SLC5A4: variants seen among roughly 807,000 people sequenced by gnomAD.
The protein encoded by SLC5A4 is solute carrier family 5 member 4, also known as probable glucose sensor protein SLC5A4.
A neutral mutation model predicts 70.3 loss-of-function variants in SLC5A4; 55 were observed. That is an observed-to-expected ratio of 0.78 (90% CI 0.63 to 0.98). The LOEUF is 0.98. Ranked by LOEUF, SLC5A4 falls within the 50% of genes least tolerant of loss-of-function variation. SLC5A4 has a pLI of 0.00. For synonymous variants in SLC5A4, 268 were observed against 305.7 expected (o/e 0.88, Z 1.29); for missense variants, 735 against 839.2 (o/e 0.88, Z 1.53).
In SLC5A4 at chr22:32,224,335, G is replaced by A. The variant is rs145450509; in HGVS notation, c.1597C>T (p.Leu533Phe). 6.7e-5 allele frequency: 108 copies of A among 1,614,134 alleles called. No individual in the cohort carries two copies. The highest frequency in any genetic ancestry group is 8.3e-5 in the Admixed American group (5 of 60,022). ...GTGACCAGCATGGACCCAAAAAAGA[G>A]AACGATGGAAAAGTACAGATAGTGC... ...GVHYLYFSIV[L>F]FFGSMLVTLG... is the part of the protein sequence containing the mutation. Residue 533 changes from leucine to phenylalanine, a missense_variant, in exon 13 of 15, where the codon CTC (leucine) becomes TTC (phenylalanine). By Grantham distance (22) the Leu-to-Phe change is conservative. Transcript: ENST00000266086.
intron 14 of SLC5A4, among the ~76,000 whole-genome samples, chr22:32,218,957 C>T (rs369287841): frequency 5.3e-5 from 8 of 152,096 alleles, no homozygotes; most frequent in Admixed American, 3.9e-4. Context: ...GGGAAACGTT[C>T]GCATATTCTA....
chr22:32,251,677 C>A, intron 3 of SLC5A4, 93 bp downstream of exon 3: 1 of 840,982 alleles, frequency 1.2e-6, no homozygotes. Context: ...TATAAATTAT[C>A]CAGCCTGTGA....
intron 13 of SLC5A4, among the ~76,000 whole-genome samples, chr22:32,221,774 G>C (rs939332705): frequency 6.6e-6 from 1 of 152,004 alleles, no homozygotes; most frequent in Non-Finnish European, 1.5e-5. Flanking sequence ...TCAATAAGAA[G>C]GAGTTTCCAT....
the SLC5A4 span, among the ~76,000 whole-genome samples, chr22:32,354,267 G>A: frequency 6.9e-6 from 1 of 143,934 alleles, no homozygotes; most frequent in African/African-American, 2.6e-5. Flanking sequence ...CTCAGTGTAG[G>A]CCCCAGAAAG....
intron 9 of SLC5A4, 70 bp from the exon 10 acceptor site, chr22:32,231,145 G>A (rs1925740341): frequency 6.7e-6 from 6 of 889,940 alleles, no homozygotes; most frequent in African/African-American, 1.6e-5. Context: ...TAAACAAAGA[G>A]AAAAGTTGAA....
chr22:32,307,289 A>C, the SLC5A4 span, among the ~76,000 whole-genome samples: 1 of 152,156 alleles, frequency 6.6e-6, no homozygotes, highest in Non-Finnish European at 1.5e-5. Context: ...GCTCTTCATC[A>C]AGCATTTATC....
chr22:32,221,707 A>G (rs1386090963), intron 13 of SLC5A4, among the ~76,000 whole-genome samples: 1 of 152,152 alleles, frequency 6.6e-6, no homozygotes, highest in African/African-American at 2.4e-5. Flanking sequence ...GCCCTGGGTC[A>G]TTCTAAGGAA....
At chr22:32,269,536 C>T in the SLC5A4 span, 1 of 618,902 alleles carries the variant, frequency 1.6e-6, no homozygotes, top group South Asian at 1.4e-5. The surrounding 1 kb of genome is among the most constrained non-coding windows in gnomAD (Gnocchi z 4.1). Flanking sequence ...CCATCGTGGC[C>T]ATCTTGCTAA....
upstream of SLC5A4, among the ~76,000 whole-genome samples, chr22:32,260,230 G>A (rs1240596064): frequency 6.6e-6 from 1 of 152,008 alleles, no homozygotes. Context: ...GACAGGAAGG[G>A]TGCCCCACTT....
the SLC5A4 span, chr22:32,270,690 G>A: frequency 1.4e-6 from 1 of 691,160 alleles, no homozygotes; most frequent in Non-Finnish European, 2.7e-6. Context: ...TCCACCTGCT[G>A]GAAGGAATGA....
the SLC5A4 span, among the ~76,000 whole-genome samples, chr22:32,310,814 G>A: frequency 2.0e-5 from 3 of 152,362 alleles, no homozygotes; most frequent in South Asian, 2.1e-4. Context: ...CAGGGAGAAT[G>A]GAGGATGCTT....
At chr22:32,314,591 T>C in the SLC5A4 span, among the ~76,000 whole-genome samples, 2 of 152,142 alleles carry the variant, frequency 1.3e-5, no homozygotes, top group Non-Finnish European at 2.9e-5. Context: ...AAAAGTTTAA[T>C]GTAAAAGGAT....
At chr22:32,317,837 T>A in the SLC5A4 span, among the ~76,000 whole-genome samples, 1 of 152,182 alleles carries the variant, frequency 6.6e-6, no homozygotes, top group Non-Finnish European at 1.5e-5. Flanking sequence ...GGAGATATAA[T>A]ACATAGAAGG....
chr22:32,248,332 C>T (rs987731053), intron 4 of SLC5A4, among the ~76,000 whole-genome samples: 2 of 152,156 alleles, frequency 1.3e-5, no homozygotes, highest in African/African-American at 2.4e-5. Flanking sequence ...AGAAAGTTAC[C>T]TTTGTCTTAT....
the SLC5A4 span, chr22:32,272,910 C>T: frequency 1.9e-6 from 1 of 523,582 alleles, no homozygotes; most frequent in Non-Finnish European, 3.8e-6. Flanking sequence ...ACACAGGCCT[C>T]AACCTCCGCA....
At chr22:32,299,911 G>A in the SLC5A4 span, among the ~76,000 whole-genome samples, 1 of 114,112 alleles carries the variant, frequency 8.8e-6, no homozygotes, top group African/African-American at 3.2e-5. Flanking sequence ...GGTGTACCCT[G>A]CCGTGTGAGG....
chr22:32,308,978 G>A, the SLC5A4 span, among the ~76,000 whole-genome samples: 173 of 152,148 alleles, frequency 1.1e-3, no homozygotes, highest in East Asian at 0.017. Context: ...TCACTCTGTC[G>A]CCCAGACTAG....
chr22:32,327,476 T>C, the SLC5A4 span: 5 of 152,436 alleles, frequency 3.3e-5, no homozygotes, highest in African/African-American at 1.2e-4. Context: ...ATTTTACAGT[T>C]GGGTAAAGAG....
At chr22:32,280,529 G>T in the SLC5A4 span, among the ~76,000 whole-genome samples, 118 of 152,064 alleles carry the variant, frequency 7.8e-4, 1 homozygote, top group Non-Finnish European at 1.5e-5. Context: ...GTGGCCTTGT[G>T]TCCTCTGCAC....
Sources: allele counts gnomAD v4.1 joint callset (sites outside exome capture counted in the v4.1 genomes callset), GRCh38; gene constraint gnomAD v4.1.1; non-coding constraint Gnocchi (gnomAD v3.1); transcripts MANE v1.5; gene names NCBI Gene and HGNC (gene_info 2026-07-23, HGNC 2026-07-21).